UBTD1: variants seen among roughly 807,000 people sequenced by gnomAD.
UBTD1 encodes the protein ubiquitin domain containing 1, also known as ubiquitin domain-containing protein 1.
UBTD1 carries 19 observed loss-of-function variants against 21.7 expected under a neutral mutation model. That is an observed-to-expected ratio of 0.87 (90% CI 0.61 to 1.28). The LOEUF is 1.28. Ranked by LOEUF, UBTD1 falls within the 50% of genes most tolerant of loss-of-function variation. The pLI is 0.00. For synonymous variants in UBTD1, 116 were observed against 135.1 expected (o/e 0.86, Z 0.98); for missense variants, 282 against 315.1 (o/e 0.89, Z 0.80).
At chr10:97,533,158 C>T (rs1218822789) in intron 1 of UBTD1, among the ~76,000 whole-genome samples, 1 of 152,228 alleles carries the variant, frequency 6.6e-6, no homozygotes, top group Non-Finnish European at 1.5e-5. Flanking sequence ...TGACCTCCAG[C>T]TGAGCTGAAA....
chr10:97,571,056 A>G lies in UBTD1; in HGVS notation c.*533A>G, dbSNP rs10748705. 0.98 allele frequency: 155,061 copies of G among 158,542 alleles called. 75,854 individuals carry two copies. The highest frequency in any genetic ancestry group is 1 in the East Asian group (5,413 of 5,416). The allele number at this position is 158,542 out of a possible 1,614,324, so 9.8% of individuals were successfully genotyped here. ...GGCAGAGATGAGGCGGGTGGTGGAC[A>G]GCTGGGCTGTCGTGGCAGGGTCTGC... On this transcript the variant is annotated 3_prime_UTR_variant, in exon 3 of 3. Transcript: ENST00000370664.
Position 97,567,983 on chromosome 10 carries a change from T to A in UBTD1, c.140T>A (p.Leu47Gln). Residue 47 changes from leucine (L) to glutamine (Q), a missense_variant, in exon 2 of 3, where the codon CTG becomes CAG. By Grantham distance (113) the Leu-to-Gln change is moderately radical. Coordinates refer to ENST00000370664, the MANE Select transcript of UBTD1 (RefSeq NM_024954.5). ...GACTACCCCATGACTGACGGGCAGC[T>A]GCGGAGCAAACGGGATGAGTTCTGG... Reference protein sequence around the residue: ...KSDYPMTDGQLRSKRDEFWDT... With the variant: ...KSDYPMTDGQQRSKRDEFWDT... The A allele has an allele frequency of 6.2e-7, 1 of 1,614,146 alleles. No homozygotes were observed. Among genetic ancestry groups the A allele is most frequent in the Non-Finnish European group, 8.5e-7 (1 of 1,180,044 alleles).
At chr10:97,562,466 A>AT (rs2040697335) in intron 1 of UBTD1, among the ~76,000 whole-genome samples, 1 of 152,100 alleles carries the variant, frequency 6.6e-6, no homozygotes, top group South Asian at 2.1e-4. Flanking sequence ...GTTAGGAGCA[A>AT]TTTTTTGTGG....
At chr10:97,545,291 A>C (rs12355384) in intron 1 of UBTD1, among the ~76,000 whole-genome samples, 84,903 of 149,874 alleles carry the variant, frequency 0.57, 26,723 homozygotes, top group Non-Finnish European at 0.73. Context: ...CAGTGAGTTG[A>C]GATCCGCCAC....
intron 1 of UBTD1, among the ~76,000 whole-genome samples, chr10:97,509,437 C>T (rs1033832502): frequency 2.6e-5 from 4 of 152,188 alleles, no homozygotes; most frequent in Non-Finnish European, 5.9e-5. Flanking sequence ...GCACGGCGCC[C>T]ACACACAGCA....
intron 1 of UBTD1, among the ~76,000 whole-genome samples, chr10:97,538,529 T>C (rs1420135181): frequency 6.6e-6 from 1 of 152,204 alleles, no homozygotes; most frequent in Non-Finnish European, 1.5e-5. Context: ...GTGTATCATT[T>C]GTGTGATTCA....
intron 1 of UBTD1, among the ~76,000 whole-genome samples, chr10:97,554,542 T>G (rs1456641846): frequency 6.6e-6 from 1 of 151,996 alleles, no homozygotes; most frequent in African/African-American, 2.4e-5. Context: ...CCACTGTGCC[T>G]GACCATTTAT....
intron 1 of UBTD1, among the ~76,000 whole-genome samples, chr10:97,549,923 C>A (rs1186122112): frequency 6.6e-6 from 1 of 152,248 alleles, no homozygotes; most frequent in Non-Finnish European, 1.5e-5. Flanking sequence ...CCTGGCTCCC[C>A]CCTCCCCGCC....
intron 1 of UBTD1, among the ~76,000 whole-genome samples, chr10:97,564,187 T>G (rs2135688399): frequency 6.6e-6 from 1 of 152,218 alleles, no homozygotes; most frequent in South Asian, 2.1e-4. Context: ...AAGAGAAGAT[T>G]AGCAGCCTGG....
chr10:97,512,926 G>T (rs1427154791), intron 1 of UBTD1, among the ~76,000 whole-genome samples: 2 of 152,246 alleles, frequency 1.3e-5, no homozygotes, highest in Non-Finnish European at 2.9e-5. Context: ...GGGTAGGGAT[G>T]GATGGGGACC....
At chr10:97,563,515 C>T (rs552885584) in intron 1 of UBTD1, among the ~76,000 whole-genome samples, 1 of 152,034 alleles carries the variant, frequency 6.6e-6, no homozygotes, top group East Asian at 1.9e-4. Flanking sequence ...TAGAGAGTGA[C>T]TGGAGAATGG....
chr10:97,541,318 A>T (rs1478220481), intron 1 of UBTD1, among the ~76,000 whole-genome samples: 1 of 152,044 alleles, frequency 6.6e-6, no homozygotes, highest in Non-Finnish European at 1.5e-5. Context: ...CTCTACAAAA[A>T]ATCTAAAAAT....
At chr10:97,523,482 C>T (rs1480515771) in intron 1 of UBTD1, among the ~76,000 whole-genome samples, 5 of 152,122 alleles carry the variant, frequency 3.3e-5, no homozygotes, top group African/African-American at 1.2e-4. Flanking sequence ...AATGAGAATC[C>T]TCTTCTGCTT....
chr10:97,503,222 A>AT (rs1304960418), intron 1 of UBTD1, among the ~76,000 whole-genome samples: 1 of 152,044 alleles, frequency 6.6e-6, no homozygotes, highest in Non-Finnish European at 1.5e-5. Flanking sequence ...AGCCTTAAAA[A>AT]TTTTTTTTGG....
chr10:97,521,762 G>T (rs1234840353), intron 1 of UBTD1, among the ~76,000 whole-genome samples: 1 of 152,196 alleles, frequency 6.6e-6, no homozygotes, highest in Non-Finnish European at 1.5e-5. Context: ...TGTGTGCCTG[G>T]CCCCCTTTGG....
At chr10:97,549,112 A>T (rs774054844) in intron 1 of UBTD1, among the ~76,000 whole-genome samples, 5 of 152,120 alleles carry the variant, frequency 3.3e-5, no homozygotes, top group Non-Finnish European at 7.4e-5. Flanking sequence ...CTGCCCGCAC[A>T]CTGAGGCCTT....
chr10:97,552,171 C>T (rs2040640706), intron 1 of UBTD1, among the ~76,000 whole-genome samples: 1 of 151,470 alleles, frequency 6.6e-6, no homozygotes, highest in African/African-American at 2.4e-5. Flanking sequence ...TTGAGACCAG[C>T]CTGGGCAACA....
chr10:97,552,358 G>A (rs988721050), intron 1 of UBTD1, among the ~76,000 whole-genome samples: 3 of 148,088 alleles, frequency 2.0e-5, no homozygotes, highest in Non-Finnish European at 4.5e-5. Context: ...GCCAGACCCC[G>A]TCTAAAAACA....
chr10:97,516,380 C>T (rs958333961), intron 1 of UBTD1, among the ~76,000 whole-genome samples: 3 of 152,200 alleles, frequency 2.0e-5, no homozygotes, highest in Admixed American at 6.5e-5. Flanking sequence ...ACAGTGCCAC[C>T]GTGGATGGCT....
Sources: allele counts gnomAD v4.1 joint callset (sites outside exome capture counted in the v4.1 genomes callset), GRCh38; gene constraint gnomAD v4.1.1; transcripts MANE v1.5; gene names NCBI Gene and HGNC (gene_info 2026-07-23, HGNC 2026-07-21).